The following OSBPL10 variants were observed in gnomAD, a reference collection of about 807,000 sequenced individuals.
OSBPL10 encodes oxysterol-binding protein-related protein 10.
In OSBPL10, 49 loss-of-function variants were observed where a neutral mutation model predicts 81.7. The ratio of observed to expected loss-of-function variants is 0.60; its 90% CI spans 0.48 to 0.76. OSBPL10 has a LOEUF of 0.76. Ranked by LOEUF, OSBPL10 falls within the 30% of genes least tolerant of loss-of-function variation. The pLI, the probability that OSBPL10 is intolerant of heterozygous loss-of-function variation, is 0.00. For missense variants in OSBPL10, 923 were observed against 987.8 expected, an observed-to-expected ratio of 0.93 and a Z score of 0.88; for synonymous variants, 419 against 383.6, an observed-to-expected ratio of 1.09 and a Z score of -1.08.
intron 4 of OSBPL10, among the ~76,000 whole-genome samples, chr3:31,802,549 C>CAAAAA (rs746823677): frequency 2.1e-5 from 2 of 94,990 alleles, no homozygotes; most frequent in African/African-American, 4.1e-5. Flanking sequence ...GCCTGGGTAT[C>CAAAAA]AAAAAAAAAA....
At chr3:31,735,029 G>A (rs1031984934) in intron 5 of OSBPL10, among the ~76,000 whole-genome samples, 10 of 152,238 alleles carry the variant, frequency 6.6e-5, no homozygotes, top group African/African-American at 1.2e-4. Flanking sequence ...GTGTATGTGC[G>A]GTGCTTATGC....
rs1317422816 is a variant in OSBPL10, at chr3:31,879,707, A to C, written c.405T>G (p.Ala135=). ...CAGAGTACACCACCAGCATGTGGGG[A>C]GCTTCATCGCTCAGGGACACTATGG... The part of the protein sequence containing the change: ...SGAIVSLSDE[A]PHMLVVYSAN... Residue 135 remains alanine (A), a synonymous_variant, in exon 2 of 12, where the codon GCT becomes GCG. Coordinates refer to ENST00000396556, the MANE Select transcript of OSBPL10 (RefSeq NM_017784.5). The C allele has an allele frequency of 1.9e-6, 3 of 1,614,066 alleles. No homozygotes were observed. Among genetic ancestry groups the C allele is most frequent in the Non-Finnish European group, 2.5e-6 (3 of 1,180,048 alleles).
At chr3:32,052,878 G>T (rs1699680058) in intron 1 of OSBPL10, among the ~76,000 whole-genome samples, 1 of 152,126 alleles carries the variant, frequency 6.6e-6, no homozygotes, top group South Asian at 2.1e-4. Flanking sequence ...TAGATGATGG[G>T]TTGATAGGTG....
intron 2 of OSBPL10, among the ~76,000 whole-genome samples, chr3:32,032,613 C>T (rs1699483295): frequency 6.6e-6 from 1 of 152,114 alleles, no homozygotes; most frequent in African/African-American, 2.4e-5. Context: ...TGAAATGCCA[C>T]TTAAATAGGA....
chr3:31,758,440 C>T (rs947116286), intron 4 of OSBPL10, among the ~76,000 whole-genome samples: 2 of 152,190 alleles, frequency 1.3e-5, no homozygotes, highest in African/African-American at 2.4e-5. Context: ...GGTCCAACTC[C>T]GTCTCTAACT....
intron 4 of OSBPL10, among the ~76,000 whole-genome samples, chr3:31,769,854 T>C (rs1327216730): frequency 6.6e-6 from 1 of 151,214 alleles, no homozygotes; most frequent in Non-Finnish European, 1.5e-5. Flanking sequence ...AGATAACTGC[T>C]TGATTGTAGG....
intron 10 of OSBPL10, among the ~76,000 whole-genome samples, chr3:31,666,240 C>T (rs1700187831): frequency 6.6e-6 from 1 of 152,144 alleles, no homozygotes; most frequent in South Asian, 2.1e-4. Flanking sequence ...AGGGCTCTGG[C>T]CAAGGCAGAG....
At chr3:31,980,839 A>ACG (rs1210639772) in intron 1 of OSBPL10, 60 bp downstream of exon 1, 57 of 1,414,354 alleles carry the variant, frequency 4.0e-5, no homozygotes, top group East Asian at 5.9e-5. Context: ...ACACACACGC[A>ACG]CGCACACACA....
chr3:31,664,175 G>A lies in OSBPL10; in HGVS notation c.2154C>T (p.Thr718=), dbSNP rs776267549. The change falls in exon 11 of 12, where the codon ACC becomes ACT. Residue 718 remains threonine (T), a synonymous_variant. Coordinates refer to ENST00000396556, the MANE Select transcript of OSBPL10 (RefSeq NM_017784.5). ...TCTCCTCCAGGTGCCGCTTCTGCTCGGTGGCTGCGTCAATGTCCCCCAGCC... is the reference window on the plus strand; with the variant it reads ...TCTCCTCCAGGTGCCGCTTCTGCTCAGTGGCTGCGTCAATGTCCCCCAGCC... ...YLRLGDIDAA[T]EQKRHLEEKQ... The A allele has an allele frequency of 3.4e-5, 55 of 1,613,342 alleles. No individual in the cohort carries two copies. Among genetic ancestry groups the A allele is most frequent in the Non-Finnish European group, 4.4e-5 (52 of 1,180,012 alleles).
At chr3:32,038,262 G>A (rs1417683948) in intron 2 of OSBPL10, among the ~76,000 whole-genome samples, 2 of 152,192 alleles carry the variant, frequency 1.3e-5, no homozygotes, top group Non-Finnish European at 1.5e-5. Context: ...AAAGCCAGAT[G>A]CAAAAGACCA....
At chr3:31,794,336 G>A (rs1304278063) in intron 4 of OSBPL10, 1 of 155,224 alleles carries the variant, frequency 6.4e-6, no homozygotes, top group African/African-American at 2.4e-5. Flanking sequence ...GTAGAGATGG[G>A]GTTTCACCCT....
intron 1 of OSBPL10, among the ~76,000 whole-genome samples, chr3:32,071,233 C>A (rs895164925): frequency 1.3e-5 from 2 of 152,210 alleles, no homozygotes; most frequent in Non-Finnish European, 2.9e-5. Flanking sequence ...ACTGATCTCT[C>A]AAACCCCAAC....
chr3:31,885,058 C>T (rs1695695627), intron 1 of OSBPL10, among the ~76,000 whole-genome samples: 1 of 152,142 alleles, frequency 6.6e-6, no homozygotes, highest in Non-Finnish European at 1.5e-5. Flanking sequence ...GGAGATAGGG[C>T]AAGTGTAGGC....
At chr3:31,715,083 C>G (rs529164782) in intron 6 of OSBPL10, among the ~76,000 whole-genome samples, 1 of 150,308 alleles carries the variant, frequency 6.7e-6, no homozygotes, top group South Asian at 2.1e-4. Context: ...TACTTCCCCT[C>G]CCCTCCTAAA....
intron 8 of OSBPL10, among the ~76,000 whole-genome samples, chr3:31,683,284 AAT>A (rs1240471243): frequency 6.6e-6 from 1 of 152,238 alleles, no homozygotes; most frequent in African/African-American, 2.4e-5. Flanking sequence ...AATGAATAAA[AAT>A]GTGTTTTCAC....
chr3:32,027,196 C>T (rs1246802204), intron 2 of OSBPL10, among the ~76,000 whole-genome samples: 1 of 152,126 alleles, frequency 6.6e-6, no homozygotes, highest in Non-Finnish European at 1.5e-5. Context: ...GACCCCCTGA[C>T]AGGCCCCAGT....
chr3:31,831,406 C>CAA (rs111331865), intron 3 of OSBPL10, among the ~76,000 whole-genome samples: 9 of 109,068 alleles, frequency 8.3e-5, no homozygotes, highest in East Asian at 2.7e-4. Context: ...AACTCCGTCT[C>CAA]AAAAAAAAAA....
intron 1 of OSBPL10, among the ~76,000 whole-genome samples, chr3:31,901,344 T>C (rs1696232806): frequency 6.6e-6 from 1 of 152,258 alleles, no homozygotes; most frequent in Non-Finnish European, 1.5e-5. Flanking sequence ...TTACATGATG[T>C]AGCTCAGCTC....
chr3:32,037,285 T>A (rs896364656), intron 2 of OSBPL10, among the ~76,000 whole-genome samples: 1 of 152,208 alleles, frequency 6.6e-6, no homozygotes, highest in African/African-American at 2.4e-5. Context: ...TGTTTAGGCA[T>A]GTTCTTGAAC....
Sources: allele counts gnomAD v4.1 joint callset (sites outside exome capture counted in the v4.1 genomes callset), GRCh38; gene constraint gnomAD v4.1.1; transcripts MANE v1.5; gene names NCBI Gene and HGNC (gene_info 2026-07-23, HGNC 2026-07-21).